NFATC1: variants seen among roughly 807,000 people sequenced by gnomAD.
NFATC1 encodes the protein nuclear factor of activated T cells 1.
Under a neutral mutation model 76.0 loss-of-function variants are expected in NFATC1, and 22 were observed. The ratio of observed to expected loss-of-function variants is 0.29; its 90% CI spans 0.21 to 0.41. The LOEUF (loss-of-function observed/expected upper bound fraction) is 0.41. NFATC1 is among the 10% of genes least tolerant of loss of function. NFATC1 has a pLI of 1.00. For synonymous variants in NFATC1, 704 were observed against 613.1 expected (o/e 1.15, Z -2.19); for missense variants, 1,357 against 1,337.7 (o/e 1.01, Z -0.23).
At chr18:79,451,186 GTCTCACCCGC>G in intron 5 of NFATC1, 60 bp downstream of exon 5, 1 of 1,539,626 alleles carries the variant, frequency 6.5e-7, no homozygotes. Context: ...GCGCTTCACT[GTCTCACCCGC>G]TCTCAGCTTT....
At chr18:79,464,680 G>T (rs1206109636) in intron 7 of NFATC1, among the ~76,000 whole-genome samples, 6 of 98,092 alleles carry the variant, frequency 6.1e-5, no homozygotes, top group African/African-American at 2.1e-4. Flanking sequence ...GTATATGTAT[G>T]TGTATATATA....
intron 3 of NFATC1, among the ~76,000 whole-genome samples, chr18:79,434,163 C>G (rs2086692303): frequency 6.6e-6 from 1 of 152,230 alleles, no homozygotes; most frequent in South Asian, 2.1e-4. Context: ...GGCTTGGGTG[C>G]TGGGGGGCAC....
intron 3 of NFATC1, among the ~76,000 whole-genome samples, chr18:79,447,500 T>G (rs1019732860): frequency 2.0e-5 from 3 of 152,112 alleles, no homozygotes; most frequent in African/African-American, 7.2e-5. Flanking sequence ...ATCAGAGGGG[T>G]CGACGCGTCC....
chr18:79,520,408 G>A (rs865776908), intron 9 of NFATC1, among the ~76,000 whole-genome samples: 1 of 147,012 alleles, frequency 6.8e-6, no homozygotes, highest in African/African-American at 2.5e-5. Context: ...ATCCTGCTCC[G>A]CTGGCGCCTC....
At chr18:79,399,604 G>C (rs899630224) in intron 1 of NFATC1, among the ~76,000 whole-genome samples, 9 of 152,392 alleles carry the variant, frequency 5.9e-5, no homozygotes, top group Admixed American at 4.6e-4. Flanking sequence ...GGCCGCCTAG[G>C]GTGGGACCCG....
intron 2 of NFATC1, among the ~76,000 whole-genome samples, chr18:79,420,178 G>T (rs2086023579): frequency 6.6e-6 from 1 of 152,202 alleles, no homozygotes; most frequent in African/African-American, 2.4e-5. Flanking sequence ...AGGGGAAGAG[G>T]GGGACGTGTT....
chr18:79,487,949 T>C (rs545072452), intron 9 of NFATC1, among the ~76,000 whole-genome samples: 2 of 152,292 alleles, frequency 1.3e-5, no homozygotes, highest in African/African-American at 4.8e-5. Context: ...CTCCCAAGTG[T>C]ATGACGTTTC....
intron 1 of NFATC1, among the ~76,000 whole-genome samples, chr18:79,399,159 G>T (rs995028486): frequency 6.6e-6 from 1 of 152,254 alleles, no homozygotes; most frequent in Admixed American, 6.5e-5. Flanking sequence ...GTCGGCAAAA[G>T]CAGCAAAACT....
chr18:79,412,485 C>T lies in NFATC1; in HGVS notation c.1226+984C>T, dbSNP rs1366355330. Among the ~76,000 whole-genome samples, 24 of 149,552 alleles carry T rather than the reference C, an allele frequency of 1.6e-4. 1 individual carries two copies. The highest frequency in any genetic ancestry group is 2.0e-4 in the Admixed American group (3 of 14,966). On this transcript the variant is annotated intron_variant, in intron 2 of 9. Coordinates refer to ENST00000427363, the MANE Select transcript of NFATC1 (RefSeq NM_001278669.2). Reference sequence around the variant, plus strand: ...CCACCCCCCACTCCTTTTTTATTAGCGAGCACTCAGGGGGCGAGACCCCGC... The same window carrying T: ...CCACCCCCCACTCCTTTTTTATTAGTGAGCACTCAGGGGGCGAGACCCCGC...
intron 9 of NFATC1, among the ~76,000 whole-genome samples, chr18:79,488,950 G>T (rs2089599852): frequency 6.6e-6 from 1 of 152,004 alleles, no homozygotes; most frequent in Non-Finnish European, 1.5e-5. Flanking sequence ...AGAGTTCGGG[G>T]TGGGACTTGG....
At chr18:79,461,207 C>A (rs2304738) in intron 6 of NFATC1, 104 bp from the exon 7 acceptor site, 237,381 of 1,347,198 alleles carry the variant, frequency 0.18, 24,321 homozygotes, top group African/African-American at 0.39. Context: ...TGGGACAAGG[C>A]GCCCTCCTGG....
At chr18:79,401,977 CAG>C (rs941423401) in intron 1 of NFATC1, among the ~76,000 whole-genome samples, 2 of 152,174 alleles carry the variant, frequency 1.3e-5, no homozygotes, top group African/African-American at 2.4e-5. Flanking sequence ...TGAAGAAGCA[CAG>C]GGGGTAGTTA....
intron 7 of NFATC1, among the ~76,000 whole-genome samples, chr18:79,466,530 G>A (rs949299659): frequency 1.3e-5 from 2 of 152,114 alleles, no homozygotes; most frequent in Non-Finnish European, 2.9e-5. Flanking sequence ...TGCGAACAGC[G>A]CCACACGTCC....
intron 4 of NFATC1, among the ~76,000 whole-genome samples, chr18:79,449,514 G>A (rs1479575859): frequency 6.6e-6 from 1 of 152,250 alleles, no homozygotes; most frequent in African/African-American, 2.4e-5. Flanking sequence ...TGGGCACGCT[G>A]GCCCTAACCT....
chr18:79,415,716 C>T (rs1203444658), intron 2 of NFATC1, among the ~76,000 whole-genome samples: 1 of 152,108 alleles, frequency 6.6e-6, no homozygotes. Flanking sequence ...ACTTAGAGTC[C>T]GCTTGGTTTC....
At chr18:79,442,639 T>TGGCGGC (rs2087027067) in intron 3 of NFATC1, among the ~76,000 whole-genome samples, 1 of 152,174 alleles carries the variant, frequency 6.6e-6, no homozygotes. Flanking sequence ...AGACGTGCGG[T>TGGCGGC]GGCGGCGGCG....
chr18:79,425,992 G>A (rs1475301719), intron 2 of NFATC1, among the ~76,000 whole-genome samples: 3 of 152,148 alleles, frequency 2.0e-5, no homozygotes, highest in Non-Finnish European at 2.9e-5. Flanking sequence ...CACCAGGATC[G>A]CTGGAGCCCA....
intron 9 of NFATC1, among the ~76,000 whole-genome samples, chr18:79,489,351 C>T (rs1349268860): frequency 2.0e-5 from 3 of 152,190 alleles, no homozygotes; most frequent in Non-Finnish European, 4.4e-5. Context: ...GGCCAGAGTG[C>T]ATCTGCCATG....
At position 79,527,520 on chromosome 18, in the gene NFATC1, T is replaced by C; in HGVS notation, c.2783-8T>C. On this transcript the variant is annotated splice_polypyrimidine_tract_variant and splice_region_variant and intron_variant, in intron 9 of 9. Coordinates refer to ENST00000427363, the MANE Select transcript of NFATC1 (RefSeq NM_001278669.2). ...TCTAATACTTTCTCAATTTTTCTTT[T>C]CTTACAGTAAATGAAATAATACGAA... The C allele has an allele frequency of 6.2e-7, 1 of 1,613,114 alleles. No homozygotes were observed. Among genetic ancestry groups the C allele is most frequent in the East Asian group, 2.2e-5 (1 of 44,880 alleles).
Sources: allele counts gnomAD v4.1 joint callset (sites outside exome capture counted in the v4.1 genomes callset), GRCh38; gene constraint gnomAD v4.1.1; transcripts MANE v1.5; gene names NCBI Gene and HGNC (gene_info 2026-07-23, HGNC 2026-07-21).